PRKN: variants seen among roughly 807,000 people sequenced by gnomAD.
PRKN encodes the protein parkin RBR E3 ubiquitin protein ligase, also known as E3 ubiquitin-protein ligase parkin.
PRKN carries 56 observed loss-of-function variants against 59.5 expected under a neutral mutation model. The ratio of observed to expected loss-of-function variants is 0.94; its 90% CI spans 0.76 to 1.18. The LOEUF is 1.18. Ranked by LOEUF, PRKN falls within the 50% of genes most tolerant of loss-of-function variation. The pLI is 0.00. For synonymous variants in PRKN, 250 were observed against 222.1 expected, an observed-to-expected ratio of 1.13 and a Z score of -1.12; for missense variants, 657 against 596.4, an observed-to-expected ratio of 1.10 and a Z score of -1.06.
At chr6:162,322,144 CG>C (rs1198758591) in intron 2 of PRKN, among the ~76,000 whole-genome samples, 2 of 151,774 alleles carry the variant, frequency 1.3e-5, no homozygotes, top group Non-Finnish European at 2.9e-5. Context: ...ACAATTATCT[CG>C]GTTATAAAGT....
chr6:162,145,391 A>T (rs1378132188), intron 4 of PRKN, among the ~76,000 whole-genome samples: 1 of 152,182 alleles, frequency 6.6e-6, no homozygotes, highest in Non-Finnish European at 1.5e-5. Context: ...TCCTGTAAGT[A>T]AGGACCATCT....
At chr6:162,376,238 T>C (rs980061584) in intron 2 of PRKN, among the ~76,000 whole-genome samples, 4 of 152,104 alleles carry the variant, frequency 2.6e-5, no homozygotes, top group African/African-American at 9.7e-5. Flanking sequence ...TAAGGGAATT[T>C]TGTTACTCCT....
At chr6:162,334,450 T>C (rs974985759) in intron 2 of PRKN, among the ~76,000 whole-genome samples, 2 of 152,172 alleles carry the variant, frequency 1.3e-5, no homozygotes, top group African/African-American at 4.8e-5. Flanking sequence ...CCATGCTCTA[T>C]AAATGGAAAA....
At position 161,928,697 on chromosome 6, in the gene PRKN, G is replaced by A. The variant is rs1263434581; in HGVS notation, c.734+44605C>T. Among the ~76,000 whole-genome samples the A allele has an allele frequency of 2.0e-5, 3 of 152,172 alleles. No individual in the cohort carries two copies. In the East Asian group the frequency reaches 5.8e-4, roughly 29 times the overall value. On this transcript the variant is annotated intron_variant, in intron 6 of 11. Coordinates refer to ENST00000366898, the MANE Select transcript of PRKN (RefSeq NM_004562.3). The stretch of plus-strand genomic sequence containing the variant: ...GAATTACAACAGCTGACCTAGTGAG[G>A]TAGGTGTTTTTATTTTAACTTTCAC...
chr6:162,547,061 A>G (rs1179116882), intron 1 of PRKN, among the ~76,000 whole-genome samples: 1 of 152,208 alleles, frequency 6.6e-6, no homozygotes, highest in African/African-American at 2.4e-5. Flanking sequence ...GACAAATGCC[A>G]AACATATGCC....
At chr6:162,155,256 A>T (rs543879725) in intron 4 of PRKN, among the ~76,000 whole-genome samples, 75 of 152,296 alleles carry the variant, frequency 4.9e-4, no homozygotes, top group African/African-American at 1.7e-3. Flanking sequence ...GTTCTTAGTC[A>T]GCACATATCT....
intron 7 of PRKN, among the ~76,000 whole-genome samples, chr6:161,640,614 G>A (rs191622254): frequency 2.0e-4 from 30 of 152,172 alleles, no homozygotes; most frequent in Middle Eastern, 3.4e-3. Context: ...AGCAGTGGTC[G>A]ACATCCTATT....
intron 4 of PRKN, among the ~76,000 whole-genome samples, chr6:162,055,074 A>T (rs1777801937): frequency 6.6e-6 from 1 of 152,196 alleles, no homozygotes; most frequent in African/African-American, 2.4e-5. Context: ...AGGTAGGAGA[A>T]TCGCTTGAAT....
At chr6:161,438,973 T>C (rs1789059155) in intron 9 of PRKN, among the ~76,000 whole-genome samples, 1 of 151,908 alleles carries the variant, frequency 6.6e-6, no homozygotes, top group Non-Finnish European at 1.5e-5. Context: ...TGGAAACTGT[T>C]CTTTTAGCAG....
At chr6:162,451,701 T>C (rs1210291537) in intron 1 of PRKN, among the ~76,000 whole-genome samples, 2 of 152,112 alleles carry the variant, frequency 1.3e-5, no homozygotes, top group Admixed American at 6.5e-5. Context: ...TAGTGAAGAA[T>C]AAAGAATTGT....
intron 6 of PRKN, among the ~76,000 whole-genome samples, chr6:161,941,472 T>C (rs1779564830): frequency 6.6e-6 from 1 of 152,214 alleles, no homozygotes; most frequent in African/African-American, 2.4e-5. Flanking sequence ...TGCTGAGAGC[T>C]ACTCAATAAA....
chr6:162,365,891 A>G (rs1330968686), intron 2 of PRKN, among the ~76,000 whole-genome samples: 1 of 152,188 alleles, frequency 6.6e-6, no homozygotes, highest in Non-Finnish European at 1.5e-5. Flanking sequence ...TGTCTGCCAC[A>G]TCATAGGCTC....
At chr6:162,458,393 T>C (rs902962840) in intron 1 of PRKN, among the ~76,000 whole-genome samples, 25 of 147,454 alleles carry the variant, frequency 1.7e-4, no homozygotes, top group African/African-American at 6.3e-4. Flanking sequence ...ACCACTGCAC[T>C]CCAGTCTGGG....
chr6:161,428,477 G>T lies in PRKN; in HGVS notation c.1084-41600C>A, dbSNP rs7760109. 0.73 allele frequency among the ~76,000 whole-genome samples: 111,436 copies of T among 152,042 alleles called. 40,985 individuals are homozygous for T. The highest frequency in any genetic ancestry group is 0.89 in the East Asian group (4,594 of 5,146). Reference sequence around the variant, plus strand: ...ACAGGCGGCTGCTCCGTCCATCTTCGAACCTGGCTGGCATCGCAGATGCCC... The same window carrying T: ...ACAGGCGGCTGCTCCGTCCATCTTCTAACCTGGCTGGCATCGCAGATGCCC... On this transcript the variant is annotated intron_variant, in intron 9 of 11. Coordinates refer to ENST00000366898, the MANE Select transcript of PRKN (RefSeq NM_004562.3). The surrounding 1 kb of genome is among the most constrained non-coding windows in gnomAD (Gnocchi z 4.0).
chr6:161,694,876 T>C (rs73031071), intron 7 of PRKN, among the ~76,000 whole-genome samples: 5,508 of 152,274 alleles, frequency 0.036, 143 homozygotes, highest in Middle Eastern at 0.068. Flanking sequence ...TCCCAGTACT[T>C]AGAAGTCCCG....
chr6:162,095,278 ACACCTCCCCG>A (rs1779678504), intron 4 of PRKN, among the ~76,000 whole-genome samples: 1 of 152,264 alleles, frequency 6.6e-6, no homozygotes, highest in African/African-American at 2.4e-5. Context: ...CACGAGGCCT[ACACCTCCCCG>A]ACTCTAAAAA....
chr6:161,568,586 CCTT>C (rs3032924), intron 8 of PRKN, among the ~76,000 whole-genome samples: 52,039 of 151,710 alleles, frequency 0.34, 9,413 homozygotes, highest in East Asian at 0.7. Context: ...GAGCAAGACT[CCTT>C]CTCAAAAAAT....
intron 4 of PRKN, among the ~76,000 whole-genome samples, chr6:162,111,073 G>A (rs952998774): frequency 2.0e-5 from 3 of 152,102 alleles, no homozygotes; most frequent in African/African-American, 4.8e-5. Context: ...GAAGACGTTC[G>A]GAGATGGATG....
intron 5 of PRKN, among the ~76,000 whole-genome samples, chr6:162,034,987 G>A (rs1393899995): frequency 3.3e-5 from 5 of 152,096 alleles, no homozygotes; most frequent in South Asian, 2.1e-4. Flanking sequence ...GGTTTAGTTC[G>A]CTCACGGTTC....
Sources: allele counts gnomAD v4.1 joint callset (sites outside exome capture counted in the v4.1 genomes callset), GRCh38; gene constraint gnomAD v4.1.1; non-coding constraint Gnocchi (gnomAD v3.1); transcripts MANE v1.5; gene names NCBI Gene and HGNC (gene_info 2026-07-23, HGNC 2026-07-21).